The following DDAH1 variants were observed in gnomAD, a reference collection of about 807,000 sequenced individuals.
The protein encoded by DDAH1 is N(G),N(G)-dimethylarginine dimethylaminohydrolase 1.
A neutral mutation model predicts 28.8 loss-of-function variants in DDAH1; 19 were observed. That is an observed-to-expected ratio of 0.66 (90% confidence interval 0.46 to 0.97). The LOEUF is 0.97. Ranked by LOEUF, DDAH1 falls within the 50% of genes least tolerant of loss-of-function variation. The pLI, the probability that DDAH1 is intolerant of heterozygous loss-of-function variation, is 0.00. For synonymous variants in DDAH1, 153 were observed against 154.4 expected, an observed-to-expected ratio of 0.99 and a Z score of 0.07; for missense variants, 326 against 375.9, an observed-to-expected ratio of 0.87 and a Z score of 1.10.
Position 85,321,295 on chromosome 1 carries a change from G to C in DDAH1, c.*157C>G. The C allele has an allele frequency of 1.6e-6, 1 of 618,958 alleles. No individual in the cohort carries two copies. The highest frequency in any genetic ancestry group is 2.6e-5 in the East Asian group (1 of 38,428). The allele number at this position is 618,958 out of a possible 1,614,324, so 38.3% of individuals were successfully genotyped here. On this transcript the variant is annotated 3_prime_UTR_variant, in exon 6 of 6. Transcript: ENST00000284031. The stretch of plus-strand genomic sequence containing the variant: ...CACCTCGAGGGGAGGGAGGGTGGGG[G>C]TGTTGAATGAAGCAATTCAACTTAG...
chr1:85,333,025 C>T lies in DDAH1; in HGVS notation c.598-8142G>A, dbSNP rs1277585628. ...GAAAGCTGCCTGGAGGCCCCAAAAT[C>T]AGCCCTCTGGACTTGCTAACACTGG... On this transcript the variant is annotated intron_variant, in intron 4 of 5. Coordinates refer to ENST00000284031, the MANE Select transcript of DDAH1 (RefSeq NM_012137.4). 2.3e-5 allele frequency among the ~76,000 whole-genome samples: 3 copies of T among 132,192 alleles called. No individual in the cohort carries two copies. In the East Asian group the frequency reaches 6.4e-4, roughly 28 times the overall value. 86.7% of individuals were successfully genotyped at this position (132,192 alleles called of 152,430 possible).
intron 1 of DDAH1, among the ~76,000 whole-genome samples, chr1:85,509,357 C>T (rs774132291): frequency 6.6e-6 from 1 of 152,126 alleles, no homozygotes; most frequent in Non-Finnish European, 1.5e-5. Context: ...ACATCAAACA[C>T]CAAAGGTAGA....
At chr1:85,364,174 C>T (rs923041598) in intron 1 of DDAH1, among the ~76,000 whole-genome samples, 10 of 152,120 alleles carry the variant, frequency 6.6e-5, no homozygotes, top group Non-Finnish European at 1.0e-4. Context: ...TCCTCATTTT[C>T]ACTTCACTGT....
At chr1:85,472,369 A>C (rs576201627) in intron 2 of DDAH1, among the ~76,000 whole-genome samples, 30 of 152,352 alleles carry the variant, frequency 2.0e-4, no homozygotes, top group Admixed American at 8.5e-4. Context: ...AAACCTAAGC[A>C]TAAAATAGAT....
At chr1:85,376,577 T>C (rs1390654789) in intron 1 of DDAH1, among the ~76,000 whole-genome samples, 1 of 152,076 alleles carries the variant, frequency 6.6e-6, no homozygotes, top group African/African-American at 2.4e-5. Flanking sequence ...AGCTTTTCTT[T>C]TCACAGGGTA....
intron 1 of DDAH1, among the ~76,000 whole-genome samples, chr1:85,419,414 C>G (rs1653029770): frequency 6.6e-6 from 1 of 151,858 alleles, no homozygotes; most frequent in African/African-American, 2.4e-5. Context: ...GTGGCATGTG[C>G]CTGTAACCCC....
intron 1 of DDAH1, among the ~76,000 whole-genome samples, chr1:85,423,529 C>CCCTT (rs1557611910): frequency 2.0e-5 from 3 of 152,034 alleles, no homozygotes; most frequent in African/African-American, 7.2e-5. Flanking sequence ...CTCCCTCCCT[C>CCCTT]CCTTCTTGCT....
intron 1 of DDAH1, among the ~76,000 whole-genome samples, chr1:85,447,626 C>A (rs1014097880): frequency 6.6e-6 from 1 of 152,146 alleles, no homozygotes; most frequent in African/African-American, 2.4e-5. Flanking sequence ...AAATCATTGA[C>A]CTAGTAATAT....
intron 4 of DDAH1, among the ~76,000 whole-genome samples, chr1:85,332,770 C>T (rs1647854987): frequency 6.6e-6 from 1 of 152,158 alleles, no homozygotes; most frequent in Non-Finnish European, 1.5e-5. Flanking sequence ...GGGATTGCCT[C>T]ACCTTGTCTA....
intron 1 of DDAH1, among the ~76,000 whole-genome samples, chr1:85,506,744 G>A (rs1266619358): frequency 6.6e-6 from 1 of 152,194 alleles, no homozygotes; most frequent in Non-Finnish European, 1.5e-5. Flanking sequence ...ACTTTACCAT[G>A]TGGGTGATGA....
intron 1 of DDAH1, among the ~76,000 whole-genome samples, chr1:85,526,603 G>A (rs1391766125): frequency 6.6e-6 from 1 of 151,040 alleles, no homozygotes; most frequent in Non-Finnish European, 1.5e-5. Flanking sequence ...GGGTTTGGCT[G>A]TATTTATCAA....
chr1:85,542,220 G>C (rs1658491870), intron 1 of DDAH1, among the ~76,000 whole-genome samples: 1 of 152,202 alleles, frequency 6.6e-6, no homozygotes, highest in East Asian at 1.9e-4. Context: ...ATGCCTATAA[G>C]AAGCTGGTGT....
At chr1:85,473,967 T>A (rs1012667379) in intron 2 of DDAH1, among the ~76,000 whole-genome samples, 1 of 152,188 alleles carries the variant, frequency 6.6e-6, no homozygotes, top group African/African-American at 2.4e-5. Flanking sequence ...ACATCCGTAT[T>A]TGGCTGCTCC....
intron 1 of DDAH1, among the ~76,000 whole-genome samples, chr1:85,433,249 G>C (rs955095193): frequency 2.0e-5 from 3 of 152,122 alleles, no homozygotes; most frequent in African/African-American, 7.2e-5. Flanking sequence ...CCAGGACCTG[G>C]CAAGGGACTC....
At chr1:85,574,354 A>C (rs1659538831) in intron 1 of DDAH1, among the ~76,000 whole-genome samples, 1 of 152,254 alleles carries the variant, frequency 6.6e-6, no homozygotes, top group Non-Finnish European at 1.5e-5. Context: ...CACTCTGCAA[A>C]GTTCCAATGC....
At chr1:85,561,014 G>C (rs2100804217) in intron 1 of DDAH1, among the ~76,000 whole-genome samples, 1 of 151,976 alleles carries the variant, frequency 6.6e-6, no homozygotes, top group Non-Finnish European at 1.5e-5. Context: ...TTAAATATTT[G>C]TTTACTTTTC....
At chr1:85,371,631 C>CTATATA (rs1650389288) in intron 1 of DDAH1, among the ~76,000 whole-genome samples, 1 of 152,116 alleles carries the variant, frequency 6.6e-6, no homozygotes, top group Non-Finnish European at 1.5e-5. Context: ...GTAGGCAAGG[C>CTATATA]TATATAGCAA....
chr1:85,494,620 A>C (rs1308169889), intron 2 of DDAH1: 1 of 152,170 alleles, frequency 6.6e-6, no homozygotes, highest in Non-Finnish European at 1.5e-5. Flanking sequence ...TGCATTACCA[A>C]ATTGGCAGTC....
At chr1:85,388,313 T>G (rs1430785925) in intron 1 of DDAH1, among the ~76,000 whole-genome samples, 1 of 152,238 alleles carries the variant, frequency 6.6e-6, no homozygotes, top group African/African-American at 2.4e-5. Context: ...TCCCTCAATC[T>G]TAGTTATGTG....
Sources: gnomAD v4.1 joint callset for allele counts (sites outside exome capture counted in the v4.1 genomes callset) on GRCh38, gnomAD v4.1.1 for gene constraint, MANE v1.5 for transcripts, NCBI Gene and HGNC (gene_info 2026-07-23, HGNC 2026-07-21) for gene names.